Variants in PROS1 observed in about 807,000 individuals in gnomAD.
PROS1 encodes the protein protein S.
PROS1 carries 29 observed loss-of-function variants against 75.9 expected under a neutral mutation model. The observed-to-expected ratio is 0.38, with a 90% CI of 0.28 to 0.52. The LOEUF (loss-of-function observed/expected upper bound fraction) is 0.52, where lower values mean the gene tolerates loss of function less well. Among genes scored for constraint, PROS1 ranks in the 20% least tolerant of loss-of-function variants. PROS1 has a pLI of 0.83. For synonymous variants in PROS1, 245 were observed against 280.6 expected (o/e 0.87, Z 1.27); for missense variants, 680 against 810.3 (o/e 0.84, Z 1.95).
At chr3:93,929,240 G>T (rs1054763799) in intron 1 of PROS1, among the ~76,000 whole-genome samples, 8 of 152,202 alleles carry the variant, frequency 5.3e-5, no homozygotes, top group African/African-American at 1.9e-4. Flanking sequence ...CACTTTGGGA[G>T]GCCAAGGCAG....
At chr3:93,926,926 C>T (rs1341056727) in intron 2 of PROS1, among the ~76,000 whole-genome samples, 4 of 151,982 alleles carry the variant, frequency 2.6e-5, no homozygotes, top group Non-Finnish European at 5.9e-5. Context: ...TTTAAAGGTA[C>T]TTCCTCTCCC....
At chr3:93,961,990 G>C (rs935648701) in intron 1 of PROS1, among the ~76,000 whole-genome samples, 2 of 152,112 alleles carry the variant, frequency 1.3e-5, no homozygotes, top group African/African-American at 2.4e-5. Flanking sequence ...ATATAGAAGA[G>C]AAGACTACAT....
chr3:93,895,896 G>A (rs529752546), intron 9 of PROS1, among the ~76,000 whole-genome samples: 7 of 152,106 alleles, frequency 4.6e-5, no homozygotes, highest in Non-Finnish European at 8.8e-5. Context: ...CCTGGGAGGC[G>A]AAGGTTGCAG....
intron 1 of PROS1, among the ~76,000 whole-genome samples, chr3:93,954,322 A>G (rs564999383): frequency 3.3e-5 from 5 of 152,190 alleles, no homozygotes; most frequent in Non-Finnish European, 5.9e-5. Context: ...CTCACTTCAA[A>G]CTATATTAAA....
At chr3:93,896,425 A>T (rs1708501961) in intron 9 of PROS1, 151 bp downstream of exon 9, 2 of 713,042 alleles carry the variant, frequency 2.8e-6, no homozygotes, top group Non-Finnish European at 5.2e-6. Context: ...GAGTAAATTA[A>T]CTTTAGGTTT....
intron 1 of PROS1, among the ~76,000 whole-genome samples, chr3:93,958,011 C>A (rs959100786): frequency 6.6e-6 from 1 of 151,954 alleles, no homozygotes; most frequent in Non-Finnish European, 1.5e-5. Flanking sequence ...TCACTTGAAC[C>A]CAGGAAGCGG....
chr3:93,936,714 T>C (rs1559944036), intron 1 of PROS1, among the ~76,000 whole-genome samples: 1 of 152,198 alleles, frequency 6.6e-6, no homozygotes, highest in Admixed American at 6.5e-5. Flanking sequence ...TGTTTTGTTG[T>C]AGCAGCCTGA....
Position 93,973,792 on chromosome 3 carries a change from CG to C in PROS1, c.-44del, listed in dbSNP as rs1709930182. On this transcript the variant is annotated 5_prime_UTR_variant, in exon 1 of 15. Coordinates refer to ENST00000394236, the MANE Select transcript of PROS1 (RefSeq NM_000313.4). ...CGCCGGCAGGGACGGTGGCGCGTCG[CG>C]GCGGGGACCGGAGCGCTAGGCGCCG... 9 of 1,545,286 alleles carry C rather than the reference CG, an allele frequency of 5.8e-6. No homozygotes were observed. In the East Asian group the frequency reaches 2.1e-4, roughly 36 times the overall value.
intron 3 of PROS1, among the ~76,000 whole-genome samples, chr3:93,919,987 A>G (rs1249575688): frequency 6.6e-6 from 1 of 152,116 alleles, no homozygotes; most frequent in Non-Finnish European, 1.5e-5. Context: ...TTGATAAGAT[A>G]TTTCTCTCTT....
intron 4 of PROS1, 115 bp from the exon 5 acceptor site, chr3:93,906,258 C>G: frequency 9.1e-7 from 1 of 1,102,100 alleles, no homozygotes; most frequent in Non-Finnish European, 1.3e-6. Flanking sequence ...AAACACACAA[C>G]TCCTTTCTTT....
At chr3:93,960,241 A>T (rs1312049853) in intron 1 of PROS1, among the ~76,000 whole-genome samples, 2 of 147,104 alleles carry the variant, frequency 1.4e-5, no homozygotes, top group Non-Finnish European at 3.0e-5. Flanking sequence ...CAGTGGCACG[A>T]TCTTAGCTCA....
intron 1 of PROS1, among the ~76,000 whole-genome samples, chr3:93,973,239 G>A (rs1482418981): frequency 2.0e-5 from 3 of 152,176 alleles, no homozygotes; most frequent in Non-Finnish European, 4.4e-5. Context: ...TCCAGAAATT[G>A]CAAAAGGGAG....
At position 93,886,464 on chromosome 3, in the gene PROS1, T is replaced by C. The variant is rs764185248; in HGVS notation, c.1195A>G (p.Ile399Val). 1 of 1,612,018 alleles carries C rather than the reference T, an allele frequency of 6.2e-7. No homozygotes were observed. The highest frequency in any genetic ancestry group is 8.5e-7 in the Non-Finnish European group (1 of 1,178,262). The change falls in exon 11 of 15, where the codon ATA becomes GTA. Residue 399 changes from isoleucine to valine, a missense_variant. Physicochemically the swap from Ile to Val is conservative, Grantham distance 29. Transcript: ENST00000394236. ...EELEHSISIK[I>V]AKEAVMDINK... Reference sequence around the variant, plus strand: ...ATATCCATCACAGCTTCTTTAGCTATTTTAATGCTAATACTATGTTCTAAT... The same window carrying C: ...ATATCCATCACAGCTTCTTTAGCTACTTTAATGCTAATACTATGTTCTAAT...
chr3:93,888,191 A>G (rs914030297), intron 10 of PROS1, among the ~76,000 whole-genome samples: 5 of 152,206 alleles, frequency 3.3e-5, no homozygotes, highest in Admixed American at 1.3e-4. Context: ...TGTTTTGTTC[A>G]TATCTTTACC....
chr3:93,920,476 C>A (rs4133534), intron 3 of PROS1, among the ~76,000 whole-genome samples: 8 of 152,066 alleles, frequency 5.3e-5, no homozygotes, highest in Non-Finnish European at 7.4e-5. Context: ...TACTAGACTA[C>A]TGCTTGCATA....
intron 1 of PROS1, among the ~76,000 whole-genome samples, chr3:93,937,230 G>A (rs993334661): frequency 3.3e-5 from 5 of 152,162 alleles, no homozygotes; most frequent in Non-Finnish European, 5.9e-5. Context: ...TGATTGATTT[G>A]AGCAAGCAGG....
At chr3:93,952,442 C>T (rs975932028) in intron 1 of PROS1, among the ~76,000 whole-genome samples, 1 of 152,124 alleles carries the variant, frequency 6.6e-6, no homozygotes, top group African/African-American at 2.4e-5. Flanking sequence ...AACCACTCAA[C>T]TACATGGAAA....
chr3:93,967,325 AG>A (rs2107269261), intron 1 of PROS1, among the ~76,000 whole-genome samples: 1 of 152,344 alleles, frequency 6.6e-6, no homozygotes, highest in South Asian at 2.1e-4. Flanking sequence ...TTTTTCTGTC[AG>A]CACAACTATT....
intron 10 of PROS1, 33 bp from the exon 11 acceptor site, chr3:93,886,536 A>C: frequency 6.7e-7 from 1 of 1,493,398 alleles, no homozygotes; most frequent in South Asian, 1.1e-5. Context: ...CCAAATAACC[A>C]AGTATTACTA....
Sources: allele counts gnomAD v4.1 joint callset (sites outside exome capture counted in the v4.1 genomes callset), GRCh38; gene constraint gnomAD v4.1.1; transcripts MANE v1.5; gene names NCBI Gene and HGNC (gene_info 2026-07-23, HGNC 2026-07-21).